The following EPN2 variants were observed in gnomAD, a reference collection of about 807,000 sequenced individuals.
EPN2 encodes the protein epsin 2, also known as epsin-2.
A neutral mutation model predicts 61.7 loss-of-function variants in EPN2; 34 were observed. That is an observed-to-expected ratio of 0.55 (90% confidence interval 0.42 to 0.73). The LOEUF (loss-of-function observed/expected upper bound fraction) is 0.73. Among genes scored for constraint, EPN2 ranks in the 30% least tolerant of loss-of-function variants. The pLI, the probability that EPN2 is intolerant of heterozygous loss-of-function variation, is 0.00. For missense variants in EPN2, 714 were observed against 839.2 expected, an observed-to-expected ratio of 0.85 and a Z score of 1.84; for synonymous variants, 349 against 353.6, an observed-to-expected ratio of 0.99 and a Z score of 0.15.
chr17:19,284,288 C>A (rs1421233064), intron 3 of EPN2, among the ~76,000 whole-genome samples: 1 of 152,170 alleles, frequency 6.6e-6, no homozygotes, highest in Non-Finnish European at 1.5e-5. Context: ...ATGGCTGGGT[C>A]TGCATTGAGT....
At chr17:19,306,525 AGC>A (rs1481332242) in intron 4 of EPN2, among the ~76,000 whole-genome samples, 2 of 152,260 alleles carry the variant, frequency 1.3e-5, no homozygotes, top group Non-Finnish European at 2.9e-5. Context: ...TGATGTGGTG[AGC>A]CAGTATGTGC....
intron 7 of EPN2, among the ~76,000 whole-genome samples, chr17:19,316,136 A>G (rs1906373790): frequency 6.6e-6 from 1 of 152,254 alleles, no homozygotes. Context: ...CCATTCAGCA[A>G]TTGATGGATA....
At chr17:19,257,627 C>T (rs2045095323) in intron 1 of EPN2, among the ~76,000 whole-genome samples, 1 of 151,650 alleles carries the variant, frequency 6.6e-6, no homozygotes, top group Non-Finnish European at 1.5e-5. Context: ...AAGTGATTCT[C>T]CTGCCTCCAC....
intron 9 of EPN2, 87 bp from the exon 10 acceptor site, chr17:19,331,765 TC>T: frequency 1.8e-6 from 2 of 1,135,728 alleles, no homozygotes; most frequent in South Asian, 2.5e-5. Flanking sequence ...GGCAGGCATG[TC>T]CCCAGGAGGC....
intron 1 of EPN2, among the ~76,000 whole-genome samples, chr17:19,275,384 A>C (rs1044341916): frequency 2.0e-5 from 3 of 152,256 alleles, no homozygotes; most frequent in African/African-American, 7.2e-5. Flanking sequence ...CTTCATGCAC[A>C]GGTAGACATA....
chr17:19,308,409 A>C (rs970525183), intron 4 of EPN2: 33 of 985,294 alleles, frequency 3.3e-5, no homozygotes, highest in Non-Finnish European at 3.7e-5. Context: ...GTTAACCATG[A>C]AATTGAATTC....
intron 10 of EPN2, 92 bp from the exon 11 acceptor site, chr17:19,333,864 G>T: frequency 8.9e-7 from 1 of 1,119,662 alleles, no homozygotes; most frequent in Non-Finnish European, 1.2e-6. Context: ...GGCACAGCAG[G>T]GACCAGAACA....
intron 2 of EPN2, chr17:19,282,584 A>G (rs535777414): frequency 5.2e-5 from 8 of 152,974 alleles, no homozygotes; most frequent in East Asian, 1.9e-4. Flanking sequence ...GTGAGCCACC[A>G]TATCTGGTCT....
rs752671902 is a variant in EPN2 at position 19,281,991 on chromosome 17, G to C, written c.-257G>C. ...GTGTCGGGCACAGTGCTAAGTGCTG[G>C]GTGCTCACTGGTGATGAGGCAGATG... On this transcript the variant is annotated 5_prime_UTR_variant, in exon 2 of 11. Transcript: ENST00000314728. 3 of 152,186 alleles carry C rather than the reference G, an allele frequency of 2.0e-5. No individual in the cohort carries two copies. The highest frequency in any genetic ancestry group is 2.1e-4 in the South Asian group (1 of 4,832). 9.4% of individuals were successfully genotyped at this position (152,186 alleles called of 1,614,324 possible).
At chr17:19,241,923 G>A (rs896917682) in intron 1 of EPN2, among the ~76,000 whole-genome samples, 1 of 152,034 alleles carries the variant, frequency 6.6e-6, no homozygotes, top group Admixed American at 6.6e-5. Flanking sequence ...CCTGTAGAAG[G>A]CCCCACAAAA....
At chr17:19,313,553 C>T in intron 7 of EPN2, 1 of 384,734 alleles carries the variant, frequency 2.6e-6, no homozygotes, top group Non-Finnish European at 4.7e-6. Flanking sequence ...ATGGCTTGTG[C>T]CTTCTCTGGG....
intron 1 of EPN2, among the ~76,000 whole-genome samples, chr17:19,242,483 G>C (rs547960595): frequency 1.3e-5 from 2 of 152,282 alleles, no homozygotes; most frequent in South Asian, 4.1e-4. Flanking sequence ...TTGTTAAAAT[G>C]CTCCCTATCC....
At chr17:19,238,727 A>T (rs1481348468) in intron 1 of EPN2, among the ~76,000 whole-genome samples, 2 of 152,256 alleles carry the variant, frequency 1.3e-5, no homozygotes, top group Non-Finnish European at 2.9e-5. Context: ...GATGTTCAGG[A>T]CCCTACCTTC....
rs2045232092 is a variant in EPN2, at chr17:19,269,394, CA to C, written c.-293-12560del. On this transcript the variant is annotated intron_variant, in intron 1 of 10. Transcript: ENST00000314728. ...AGACTCTTTTTCCTGAGTGGTATTTCAGATGACAACAGCTATTTCAAAGGAA... is the reference window on the plus strand; with the variant it reads ...AGACTCTTTTTCCTGAGTGGTATTTCGATGACAACAGCTATTTCAAAGGAA... 5.9e-5 allele frequency among the ~76,000 whole-genome samples: 9 copies of C among 152,322 alleles called. No individual in the cohort carries two copies. The South Asian group carries it at 1.7e-3, about 28-fold the overall frequency.
chr17:19,256,344 A>G (rs995920542), intron 1 of EPN2, among the ~76,000 whole-genome samples: 3 of 145,526 alleles, frequency 2.1e-5, no homozygotes, highest in Middle Eastern at 3.2e-3. Flanking sequence ...CCAGCTACTC[A>G]GGAGGCTGAG....
chr17:19,272,092 T>C (rs1003162633), intron 1 of EPN2, among the ~76,000 whole-genome samples: 4 of 152,224 alleles, frequency 2.6e-5, no homozygotes. Flanking sequence ...GATCAAATGG[T>C]AGTCCATAGC....
chr17:19,334,316 T>A lies in EPN2; in HGVS notation c.*62T>A. On this transcript the variant is annotated 3_prime_UTR_variant, in exon 11 of 11. Transcript: ENST00000314728. This position sits in a 1 kb window ranked among gnomAD's most constrained non-coding sequence, Gnocchi z 4.9. The stretch of plus-strand genomic sequence containing the variant: ...GGAGGATGCCGAGCAGGGACTCTCG[T>A]CTGTGGGACGGGATCCAAGAGTTTG... 7.6e-7 allele frequency: 1 copy of A among 1,319,384 alleles called. No individual in the cohort carries two copies. The highest frequency in any genetic ancestry group is 2.9e-5 in the East Asian group (1 of 35,010). The allele number at this position is 1,319,384 out of a possible 1,614,324, so 81.7% of individuals were successfully genotyped here.
At chr17:19,259,832 A>G (rs2045121659) in intron 1 of EPN2, among the ~76,000 whole-genome samples, 1 of 151,928 alleles carries the variant, frequency 6.6e-6, no homozygotes, top group African/African-American at 2.4e-5. Flanking sequence ...GAAGGGACGG[A>G]CTTCTTTATC....
chr17:19,326,960 G>A (rs1357427618), intron 7 of EPN2, among the ~76,000 whole-genome samples: 1 of 152,062 alleles, frequency 6.6e-6, no homozygotes, highest in Non-Finnish European at 1.5e-5. Context: ...AAAGAACAGG[G>A]AAATGCACAT....
Sources: allele counts gnomAD v4.1 joint callset (sites outside exome capture counted in the v4.1 genomes callset), GRCh38; gene constraint gnomAD v4.1.1; non-coding constraint Gnocchi (gnomAD v3.1); transcripts MANE v1.5; gene names NCBI Gene and HGNC (gene_info 2026-07-23, HGNC 2026-07-21).